Variants in STK32A observed in about 807,000 individuals in gnomAD.
STK32A encodes the protein serine/threonine-protein kinase 32A.
Under a neutral mutation model 53.2 loss-of-function variants are expected in STK32A, and 41 were observed. The observed-to-expected ratio is 0.77, with a 90% CI of 0.60 to 1.00. The LOEUF (loss-of-function observed/expected upper bound fraction) is 1.00. Ranked by LOEUF, STK32A falls within the 50% of genes least tolerant of loss-of-function variation. The pLI, the probability that STK32A is intolerant of heterozygous loss-of-function variation, is 0.00. For missense variants in STK32A, 458 were observed against 485.8 expected, an observed-to-expected ratio of 0.94 and a Z score of 0.54; for synonymous variants, 166 against 162.8, an observed-to-expected ratio of 1.02 and a Z score of -0.15.
intron 2 of STK32A, among the ~76,000 whole-genome samples, chr5:147,259,455 A>G (rs1180630047): frequency 1.3e-5 from 2 of 151,928 alleles, no homozygotes; most frequent in African/African-American, 4.8e-5. Context: ...GCCCTTGTTT[A>G]TACTTACAAC....
At position 147,249,102 on chromosome 5, in the gene STK32A, A is replaced by G. The variant is rs571965454; in HGVS notation, c.52+9416A>G. 2.0e-5 allele frequency among the ~76,000 whole-genome samples: 3 copies of G among 152,292 alleles called. No individual in the cohort carries two copies. In the South Asian group the frequency reaches 6.2e-4, roughly 32 times the overall value. On this transcript the variant is annotated intron_variant, in intron 2 of 12. Coordinates refer to ENST00000397936, the MANE Select transcript of STK32A (RefSeq NM_001112724.2). Reference sequence around the variant, plus strand: ...TATGGTGGAAGAGAAAAATTAGGACAATGTAATAAGCATCCCATAAACTTA... The same window carrying G: ...TATGGTGGAAGAGAAAAATTAGGACGATGTAATAAGCATCCCATAAACTTA...
At position 147,346,806 on chromosome 5, in the gene STK32A, A is replaced by G. The variant is rs140640156; in HGVS notation, c.472+3763A>G. ...AGAGGAACAGTAATGTCTGCCTGAC[A>G]TATCAGAGAAAATGACAATTATGTC... On this transcript the variant is annotated intron_variant, in intron 6 of 12. Transcript: ENST00000397936. 1.2e-3 allele frequency among the ~76,000 whole-genome samples: 188 copies of G among 152,346 alleles called. 1 individual carries two copies. The highest frequency in any genetic ancestry group is 4.2e-3 in the African/African-American group (176 of 41,580).
chr5:147,371,150 C>T (rs1458488229), intron 9 of STK32A, among the ~76,000 whole-genome samples: 1 of 152,062 alleles, frequency 6.6e-6, no homozygotes, highest in Non-Finnish European at 1.5e-5. Context: ...TAAAATATTT[C>T]ACTTCTCTCT....
At chr5:147,268,394 T>C (rs1363729169) in intron 2 of STK32A, among the ~76,000 whole-genome samples, 1 of 152,108 alleles carries the variant, frequency 6.6e-6, no homozygotes, top group Non-Finnish European at 1.5e-5. Context: ...CTTTCTCCCA[T>C]TACAGGTCTC....
In STK32A at chr5:147,310,235, T is replaced by C. The variant is rs76887884; in HGVS notation, c.261-13663T>C. Among the ~76,000 whole-genome samples, 1,317 of 152,284 alleles carry C rather than the reference T, an allele frequency of 8.6e-3. 128 individuals carry two copies. The East Asian group carries it at 0.21, about 25-fold the overall frequency. ...AGAGGCAGTTGGTCTAGTTTGGCTATAATCACTAGACGGGTAAAGGAACAT... is the reference window on the plus strand; with the variant it reads ...AGAGGCAGTTGGTCTAGTTTGGCTACAATCACTAGACGGGTAAAGGAACAT... On this transcript the variant is annotated intron_variant, in intron 4 of 12. Transcript: ENST00000397936.
chr5:147,276,858 G>A (rs1291370552), intron 2 of STK32A, among the ~76,000 whole-genome samples: 1 of 152,080 alleles, frequency 6.6e-6, no homozygotes, highest in African/African-American at 2.4e-5. Flanking sequence ...TTTCTTTTGA[G>A]AAAATGGAGG....
intron 8 of STK32A, among the ~76,000 whole-genome samples, chr5:147,362,271 C>T (rs951770121): frequency 2.0e-5 from 3 of 152,174 alleles, no homozygotes; most frequent in African/African-American, 7.2e-5. Context: ...GACAGGATGG[C>T]TTAAATAACA....
rs563388045 is a variant in STK32A at position 147,258,606 on chromosome 5, C to T, written c.52+18920C>T. Among the ~76,000 whole-genome samples, 3 of 152,178 alleles carry T rather than the reference C, an allele frequency of 2.0e-5. No individual in the cohort carries two copies. The South Asian group carries it at 6.2e-4, about 32-fold the overall frequency. ...ACTTTCTGACTTGTTGTAAACATCC[C>T]TTTCTTTAAACAACTAGTTAATTTA... On this transcript the variant is annotated intron_variant, in intron 2 of 12. Transcript: ENST00000397936.
chr5:147,312,750 A>C (rs1169476525), intron 4 of STK32A, among the ~76,000 whole-genome samples: 3 of 152,214 alleles, frequency 2.0e-5, no homozygotes, highest in Non-Finnish European at 2.9e-5. Context: ...GAAAGCGCTG[A>C]AATAGGCACT....
chr5:147,380,323 T>C (rs544714423), intron 11 of STK32A, among the ~76,000 whole-genome samples: 8 of 152,162 alleles, frequency 5.3e-5, no homozygotes, highest in African/African-American at 1.7e-4. Context: ...CAAGTAAGAG[T>C]GAAATACAGC....
intron 5 of STK32A, among the ~76,000 whole-genome samples, chr5:147,324,668 A>G (rs369959522): frequency 7.9e-4 from 121 of 152,348 alleles, no homozygotes; most frequent in African/African-American, 2.7e-3. Flanking sequence ...TGTAGTTTCA[A>G]TGATGATTTT....
intron 4 of STK32A, among the ~76,000 whole-genome samples, chr5:147,310,816 G>A (rs1029309214): frequency 6.6e-6 from 1 of 152,166 alleles, no homozygotes; most frequent in East Asian, 1.9e-4. Flanking sequence ...ATTACTGGCT[G>A]TATTATTCTC....
At chr5:147,347,422 G>A (rs576063880) in intron 6 of STK32A, among the ~76,000 whole-genome samples, 2 of 152,108 alleles carry the variant, frequency 1.3e-5, no homozygotes, top group East Asian at 3.9e-4. Context: ...ATTCTCAACT[G>A]GGCGTAATTT....
chr5:147,351,280 C>T (rs541758695), intron 7 of STK32A, 126 bp downstream of exon 7: 1 of 754,074 alleles, frequency 1.3e-6, no homozygotes, highest in African/African-American at 1.8e-5. Context: ...TGTGGAGCTT[C>T]TGATTTCATG....
At position 147,384,492 on chromosome 5, in the gene STK32A, G is replaced by A; in HGVS notation, c.*509G>A. On this transcript the variant is annotated 3_prime_UTR_variant, in exon 13 of 13. Coordinates refer to ENST00000397936, the MANE Select transcript of STK32A (RefSeq NM_001112724.2). ...AAAGATAAGGAATTCTATCAGGGAG[G>A]CATGAATGGAATCAGATTAAAAGTA... 7.2e-7 allele frequency: 1 copy of A among 1,389,280 alleles called. No individual in the cohort carries two copies. Among genetic ancestry groups the A allele is most frequent in the Non-Finnish European group, 9.8e-7 (1 of 1,017,926 alleles). 86.1% of individuals were successfully genotyped at this position (1,389,280 alleles called of 1,614,324 possible). A position where few individuals can be genotyped will look rare whatever the true frequency, so the allele number is the denominator to read the frequency against.
chr5:147,336,365 C>T lies in STK32A; in HGVS notation c.435-6641C>T, dbSNP rs190028545. 3.0e-3 allele frequency among the ~76,000 whole-genome samples: 456 copies of T among 151,962 alleles called. 3 individuals carry two copies. Among genetic ancestry groups the T allele is most frequent in the African/African-American group, 0.011 (435 of 41,428 alleles). On this transcript the variant is annotated intron_variant, in intron 5 of 12. Transcript: ENST00000397936. ...CCACCCCTTCCCTCCCTTGACCCAG[C>T]AACTGAAGTGCTAACTCCTGGCCCA...
At chr5:147,348,874 C>G (rs1187801336) in intron 6 of STK32A, 2 of 637,210 alleles carry the variant, frequency 3.1e-6, no homozygotes, top group African/African-American at 3.7e-5. Context: ...TTTAATATTT[C>G]TAATAACCTC....
Position 147,384,596 on chromosome 5 carries a change from T to C in STK32A, c.*613T>C. The C allele has an allele frequency of 3.7e-6, 2 of 538,234 alleles. No homozygotes were observed. Among genetic ancestry groups the C allele is most frequent in the Non-Finnish European group, 6.4e-6 (2 of 312,750 alleles). 33.3% of individuals were successfully genotyped at this position (538,234 alleles called of 1,614,324 possible). A position where few individuals can be genotyped will look rare whatever the true frequency, so the allele number is the denominator to read the frequency against. ...CTTATCTCAGCTGGCAGGAGCCTGCTGTGCACACCACTTCCCAGCTCCCTC... is the reference window on the plus strand; with the variant it reads ...CTTATCTCAGCTGGCAGGAGCCTGCCGTGCACACCACTTCCCAGCTCCCTC... On this transcript the variant is annotated 3_prime_UTR_variant, in exon 13 of 13. Transcript: ENST00000397936.
At chr5:147,271,448 G>A (rs1755028222) in intron 2 of STK32A, among the ~76,000 whole-genome samples, 1 of 151,976 alleles carries the variant, frequency 6.6e-6, no homozygotes, top group Admixed American at 6.6e-5. Context: ...TATGAAATCT[G>A]GGCACCTTGA....
Sources: allele counts gnomAD v4.1 joint callset (sites outside exome capture counted in the v4.1 genomes callset), GRCh38; gene constraint gnomAD v4.1.1; transcripts MANE v1.5; gene names NCBI Gene and HGNC (gene_info 2026-07-23, HGNC 2026-07-21).